FGF12: variants seen among roughly 807,000 people sequenced by gnomAD.
The protein encoded by FGF12 is fibroblast growth factor 12B.
A neutral mutation model predicts 23.6 loss-of-function variants in FGF12; 14 were observed. That is an observed-to-expected ratio of 0.59 (90% CI 0.39 to 0.93). The LOEUF is 0.93. Ranked by LOEUF, FGF12 falls within the 40% of genes least tolerant of loss-of-function variation. FGF12 has a pLI of 0.00. For synonymous variants in FGF12, 62 were observed against 77.3 expected (o/e 0.80, Z 1.04); for missense variants, 175 against 217.8 (o/e 0.80, Z 1.24).
rs1053764139 is a variant in FGF12 at position 192,139,493 on chromosome 3, G to A, written c.*4516C>T. 1 of 152,126 alleles carries A rather than the reference G, an allele frequency of 6.6e-6. No individual in the cohort carries two copies. The highest frequency in any genetic ancestry group is 2.4e-5 in the African/African-American group (1 of 41,422). 9.4% of individuals were successfully genotyped at this position (152,126 alleles called of 1,614,324 possible). A position where few individuals can be genotyped will look rare whatever the true frequency, so the allele number is the denominator to read the frequency against. ...TCAGTGTCAATAATTTCTTAAGATTGTAACATTTAACCTTGTATTGGAGCT... is the reference window on the plus strand; with the variant it reads ...TCAGTGTCAATAATTTCTTAAGATTATAACATTTAACCTTGTATTGGAGCT... On this transcript the variant is annotated 3_prime_UTR_variant, in exon 6 of 6. Transcript: ENST00000445105.
rs1721079642 is a variant in FGF12, at chr3:192,408,878, T to G, written c.14-48340A>C. On this transcript the variant is annotated intron_variant, in intron 2 of 5. Transcript: ENST00000445105. This position sits in a 1 kb window ranked among gnomAD's most constrained non-coding sequence, Gnocchi z 7.3. ...GATTAGGAGGTCCGTCCCAGCAGGG[T>G]GAGGTCTACAGAATGCATCGCGCCG... 1 of 985,040 alleles carries G rather than the reference T, an allele frequency of 1.0e-6. No individual in the cohort carries two copies. Among genetic ancestry groups the G allele is most frequent in the African/African-American group, 1.7e-5 (1 of 57,200 alleles). The allele number at this position is 985,040 out of a possible 1,614,324, so 61.0% of individuals were successfully genotyped here.
intron 2 of FGF12, among the ~76,000 whole-genome samples, chr3:192,593,828 AG>A (rs1320822900): frequency 6.6e-6 from 1 of 151,896 alleles, no homozygotes; most frequent in African/African-American, 2.4e-5. Flanking sequence ...AAACGGTAGA[AG>A]GCTCTGGAAC....
intron 2 of FGF12, among the ~76,000 whole-genome samples, chr3:192,442,115 A>AT (rs1266708593): frequency 1.3e-5 from 2 of 152,216 alleles, no homozygotes; most frequent in East Asian, 3.8e-4. Flanking sequence ...AGGACAGAGG[A>AT]CCTGTAGTGC....
At chr3:192,479,449 G>A (rs1723418575) in intron 2 of FGF12, among the ~76,000 whole-genome samples, 1 of 152,060 alleles carries the variant, frequency 6.6e-6, no homozygotes, top group South Asian at 2.1e-4. Context: ...CTTTATTTCA[G>A]ATGTCCAACT....
At chr3:192,300,382 G>A (rs1715272168) in intron 4 of FGF12, among the ~76,000 whole-genome samples, 1 of 152,134 alleles carries the variant, frequency 6.6e-6, no homozygotes, top group African/African-American at 2.4e-5. Flanking sequence ...TAACAATGGG[G>A]CTGTCCAGAT....
intron 4 of FGF12, among the ~76,000 whole-genome samples, chr3:192,293,995 G>A (rs1272178754): frequency 2.0e-5 from 3 of 152,018 alleles, no homozygotes; most frequent in African/African-American, 4.8e-5. Flanking sequence ...GGAGGCACCT[G>A]GTGGGAGATA....
intron 4 of FGF12, among the ~76,000 whole-genome samples, chr3:192,257,144 C>A (rs1712447230): frequency 1.3e-5 from 2 of 152,114 alleles, no homozygotes; most frequent in Non-Finnish European, 2.9e-5. Flanking sequence ...ACCATTATTG[C>A]TACATGCCTT....
chr3:192,459,171 A>G (rs1722777954), intron 2 of FGF12, among the ~76,000 whole-genome samples: 1 of 152,176 alleles, frequency 6.6e-6, no homozygotes, highest in Non-Finnish European at 1.5e-5. Flanking sequence ...CAGAGACTTC[A>G]TCTTGTCTAT....
chr3:192,207,828 G>A (rs1717733503), intron 4 of FGF12, among the ~76,000 whole-genome samples: 1 of 152,180 alleles, frequency 6.6e-6, no homozygotes, highest in Admixed American at 6.5e-5. Flanking sequence ...AAGACTTACA[G>A]CAACAGCCTC....
chr3:192,214,797 A>C (rs1444280316), intron 4 of FGF12, among the ~76,000 whole-genome samples: 1 of 152,250 alleles, frequency 6.6e-6, no homozygotes, highest in Non-Finnish European at 1.5e-5. Context: ...TCACATAAGA[A>C]TGTTTGGAGA....
At chr3:192,303,725 C>T (rs1340551992) in intron 4 of FGF12, among the ~76,000 whole-genome samples, 2 of 152,116 alleles carry the variant, frequency 1.3e-5, no homozygotes, top group African/African-American at 4.8e-5. Context: ...ACTTACTGCC[C>T]ATGTGTTCTG....
At chr3:192,263,423 C>T (rs1216744426) in intron 4 of FGF12, among the ~76,000 whole-genome samples, 3 of 151,456 alleles carry the variant, frequency 2.0e-5, no homozygotes, top group African/African-American at 7.3e-5. Flanking sequence ...TATATTTTAA[C>T]AAAATTCCCA....
At chr3:192,634,120 C>A (rs1226442097) in intron 2 of FGF12, among the ~76,000 whole-genome samples, 1 of 148,824 alleles carries the variant, frequency 6.7e-6, no homozygotes, top group African/African-American at 2.6e-5. Flanking sequence ...ATACTTTATT[C>A]TTCCTTCCTT....
chr3:192,581,472 A>G (rs998835024), intron 2 of FGF12, among the ~76,000 whole-genome samples: 3 of 80,504 alleles, frequency 3.7e-5, no homozygotes, highest in Non-Finnish European at 4.7e-5. Context: ...ATATGTATAT[A>G]TATGTGTGTG....
At chr3:192,586,166 G>T (rs1713366766) in intron 2 of FGF12, among the ~76,000 whole-genome samples, 1 of 152,134 alleles carries the variant, frequency 6.6e-6, no homozygotes, top group African/African-American at 2.4e-5. Flanking sequence ...TCAGGGGGGT[G>T]GGGATATAAC....
intron 4 of FGF12, among the ~76,000 whole-genome samples, chr3:192,206,315 A>G (rs1717646822): frequency 6.6e-6 from 1 of 152,062 alleles, no homozygotes; most frequent in African/African-American, 2.4e-5. Context: ...CTAGTCTCCA[A>G]AAGGGAAGAT....
intron 5 of FGF12, among the ~76,000 whole-genome samples, chr3:192,164,856 A>G (rs939331755): frequency 1.3e-5 from 2 of 152,148 alleles, no homozygotes; most frequent in African/African-American, 2.4e-5. Flanking sequence ...CTAATCTCTT[A>G]TGCTATCATT....
intron 2 of FGF12, among the ~76,000 whole-genome samples, chr3:192,622,578 T>G (rs927702791): frequency 1.8e-4 from 28 of 152,142 alleles, no homozygotes; most frequent in African/African-American, 6.8e-4. Flanking sequence ...CTTTACTAAC[T>G]AGGAGAACTT....
At chr3:192,415,512 A>G (rs889004724) in intron 2 of FGF12, among the ~76,000 whole-genome samples, 1 of 151,994 alleles carries the variant, frequency 6.6e-6, no homozygotes, top group African/African-American at 2.4e-5. Flanking sequence ...TGGGGTATCA[A>G]CTCTTTGTAT....
Sources: gnomAD v4.1 joint callset for allele counts (sites outside exome capture counted in the v4.1 genomes callset) on GRCh38, gnomAD v4.1.1 for gene constraint, Gnocchi (gnomAD v3.1) non-coding constraint, MANE v1.5 for transcripts, NCBI Gene and HGNC (gene_info 2026-07-23, HGNC 2026-07-21) for gene names.